The following FMN2 variants were observed in gnomAD, a reference collection of about 807,000 sequenced individuals.
FMN2 encodes the protein formin-2.
FMN2 carries 51 observed loss-of-function variants against 142.3 expected under a neutral mutation model. The ratio of observed to expected loss-of-function variants is 0.36; its 90% CI spans 0.29 to 0.45. The LOEUF is 0.45. Among genes scored for constraint, FMN2 ranks in the 20% least tolerant of loss-of-function variants. The pLI, the probability that FMN2 is intolerant of heterozygous loss-of-function variation, is 1.00. For synonymous variants in FMN2, 882 were observed against 869.8 expected (o/e 1.01, Z -0.25); for missense variants, 1,936 against 2,122.8 (o/e 0.91, Z 1.73).
In FMN2 at chr1:240,207,423, C is replaced by T; in HGVS notation, c.2611C>T (p.Pro871Ser). ...TTGCACAGAGTCCTCCAGCTCCATG[C>T]CTGGCCTGGGCATGGTGCCTCCCCC... ...LPCTESSSSM[P>S]GLGMVPPPPP... Residue 871 changes from proline to serine, a missense_variant, in exon 5 of 18, where the codon CCT (proline) becomes TCT (serine). By Grantham distance (74) the Pro-to-Ser change is moderately conservative. Transcript: ENST00000319653. 1 of 1,613,790 alleles carries T rather than the reference C, an allele frequency of 6.2e-7. No individual in the cohort carries two copies.
intron 4 of FMN2, among the ~76,000 whole-genome samples, chr1:240,206,305 G>A (rs370624603): frequency 6.6e-6 from 1 of 152,118 alleles, no homozygotes; most frequent in South Asian, 2.1e-4. Context: ...AAGCGGTATG[G>A]CACATGCTCA....
At chr1:240,439,118 C>CAAA (rs1168253475) in intron 16 of FMN2, among the ~76,000 whole-genome samples, 2 of 151,676 alleles carry the variant, frequency 1.3e-5, no homozygotes, top group Non-Finnish European at 2.9e-5. Flanking sequence ...ACTAAAAGTA[C>CAAA]AAAAATTAGC....
chr1:240,232,275 A>G (rs1667554373), intron 6 of FMN2, among the ~76,000 whole-genome samples: 1 of 135,190 alleles, frequency 7.4e-6, no homozygotes, highest in Non-Finnish European at 1.6e-5. Flanking sequence ...TTTTTTAAGT[A>G]GAGACAGGGT....
At chr1:240,222,369 A>G (rs1401572561) in intron 6 of FMN2, among the ~76,000 whole-genome samples, 1 of 152,176 alleles carries the variant, frequency 6.6e-6, no homozygotes, top group East Asian at 1.9e-4. Context: ...TGGTACCAGT[A>G]CCATGCTGTT....
chr1:240,400,712 T>C (rs947047274), intron 15 of FMN2: 2 of 152,156 alleles, frequency 1.3e-5, no homozygotes, highest in Non-Finnish European at 2.9e-5. Context: ...TCTCTCCCCA[T>C]GTAAATTTCT....
chr1:240,211,475 T>A (rs969412662), intron 6 of FMN2, among the ~76,000 whole-genome samples: 59 of 152,216 alleles, frequency 3.9e-4, no homozygotes, highest in African/African-American at 1.4e-3. Flanking sequence ...ATAATACATA[T>A]TTCCAAAATA....
intron 8 of FMN2, among the ~76,000 whole-genome samples, chr1:240,312,840 C>A (rs1670640722): frequency 6.6e-6 from 1 of 152,176 alleles, no homozygotes; most frequent in Non-Finnish European, 1.5e-5. Flanking sequence ...AAATGCACTT[C>A]TCGAACTGAT....
Position 240,207,811 on chromosome 1 carries a change from C to G in FMN2, c.2999C>G (p.Pro1000Arg). The change falls in exon 5 of 18, where the codon CCG (proline) becomes CGG (arginine). Residue 1000 changes from proline (P) to arginine (R), a missense_variant. Coordinates refer to ENST00000319653, the MANE Select transcript of FMN2 (RefSeq NM_020066.5). Reference protein sequence around the residue: ...PPLPGAGIPPPPPLPGAGIPP... With the variant: ...PPLPGAGIPPRPPLPGAGIPP... ...CTTCCCGGAGCGGGCATACCCCCTC[C>G]GCCCCCACTTCCCGGAGCGGGCATA... is the stretch of plus-strand genomic sequence containing the variant. 1 of 656,796 alleles carries G rather than the reference C, an allele frequency of 1.5e-6. No homozygotes were observed. 40.7% of individuals were successfully genotyped at this position (656,796 alleles called of 1,614,324 possible). A position where few individuals can be genotyped will look rare whatever the true frequency, so the allele number is the denominator to read the frequency against.
intron 2 of FMN2, among the ~76,000 whole-genome samples, chr1:240,159,905 G>GTGTA (rs1381747124): frequency 6.7e-5 from 8 of 120,092 alleles, no homozygotes; most frequent in Admixed American, 1.8e-4. Flanking sequence ...ATATATCTGT[G>GTGTA]TATATATATA....
intron 6 of FMN2, among the ~76,000 whole-genome samples, chr1:240,252,916 G>C (rs918446189): frequency 2.9e-5 from 4 of 136,700 alleles, no homozygotes; most frequent in Non-Finnish European, 6.2e-5. Flanking sequence ...ATATTTGTTT[G>C]CTTTATGGTG....
At chr1:240,413,149 A>AAAG (rs1674469893) in intron 15 of FMN2, among the ~76,000 whole-genome samples, 1 of 135,502 alleles carries the variant, frequency 7.4e-6, no homozygotes, top group African/African-American at 2.9e-5. Context: ...AAAAAAAAAA[A>AAAG]GCAGCAAATA....
rs1236049453 is a variant in FMN2, at chr1:240,474,478, C to T, written c.*324C>T. Reference sequence around the variant, plus strand: ...CATGCTAAACATTAACTACAATTCACTGTTGTGAGAATATTCCTCGTCACA... The same window carrying T: ...CATGCTAAACATTAACTACAATTCATTGTTGTGAGAATATTCCTCGTCACA... On this transcript the variant is annotated 3_prime_UTR_variant, in exon 18 of 18. Coordinates refer to ENST00000319653, the MANE Select transcript of FMN2 (RefSeq NM_020066.5). 8 of 233,806 alleles carry T rather than the reference C, an allele frequency of 3.4e-5. No homozygotes were observed. The highest frequency in any genetic ancestry group is 7.9e-5 in the East Asian group (1 of 12,624). 14.5% of individuals were successfully genotyped at this position (233,806 alleles called of 1,614,324 possible). A position where few individuals can be genotyped will look rare whatever the true frequency, so the allele number is the denominator to read the frequency against.
chr1:240,248,024 C>T (rs1572113111), intron 6 of FMN2, among the ~76,000 whole-genome samples: 1 of 152,072 alleles, frequency 6.6e-6, no homozygotes, highest in Non-Finnish European at 1.5e-5. Flanking sequence ...TGCTCACCCT[C>T]CTCTATCATT....
chr1:240,326,304 A>G (rs1417206310), intron 8 of FMN2, among the ~76,000 whole-genome samples: 1 of 152,222 alleles, frequency 6.6e-6, no homozygotes, highest in East Asian at 1.9e-4. Flanking sequence ...CTGTCAGCCC[A>G]GGGCAGCTTT....
Position 240,207,613 on chromosome 1 carries a change from T to A in FMN2, c.2801T>A (p.Leu934Gln), listed in dbSNP as rs140879072. 3.6e-6 allele frequency: 5 copies of A among 1,369,918 alleles called. No homozygotes were observed. The South Asian group carries it at 6.5e-5, about 18-fold the overall frequency. The allele number at this position is 1,369,918 out of a possible 1,614,324, so 84.9% of individuals were successfully genotyped here. A position where few individuals can be genotyped will look rare whatever the true frequency, so the allele number is the denominator to read the frequency against. ...PPLPGAGILP[L>Q]PPLPGAGIPP... ...CTACCCGGAGCAGGCATACTCCCTC[T>A]GCCCCCTCTACCCGGAGCGGGAATA... The change falls in exon 5 of 18, where the codon CTG becomes CAG. Residue 934 changes from leucine to glutamine, a missense_variant. Transcript: ENST00000319653.
intron 6 of FMN2, among the ~76,000 whole-genome samples, chr1:240,220,527 G>C (rs1041748971): frequency 1.3e-5 from 2 of 152,026 alleles, no homozygotes; most frequent in African/African-American, 4.8e-5. Flanking sequence ...AGTAGGGAGG[G>C]TGTGAATACA....
rs1215860555 is a variant in FMN2 at position 240,092,943 on chromosome 1, C to T, written c.834C>T (p.Asp278=). ...DTEQALSALS[D]LPESLAAEPR... The stretch of plus-strand genomic sequence containing the variant: ...AGCAGGCGCTGTCCGCGCTCTCCGA[C>T]CTGCCCGAGAGCCTGGCCGCCGAGC... Residue 278 remains aspartate, a synonymous_variant, in exon 1 of 18, where the codon GAC becomes GAT. Coordinates refer to ENST00000319653, the MANE Select transcript of FMN2 (RefSeq NM_020066.5). 1 of 1,452,032 alleles carries T rather than the reference C, an allele frequency of 6.9e-7. No individual in the cohort carries two copies. Among genetic ancestry groups the T allele is most frequent in the East Asian group, 2.7e-5 (1 of 37,338 alleles). The allele number at this position is 1,452,032 out of a possible 1,614,324, so 89.9% of individuals were successfully genotyped here.
intron 2 of FMN2, 87 bp downstream of exon 2, chr1:240,123,432 A>G: frequency 7.3e-7 from 1 of 1,367,782 alleles, no homozygotes; most frequent in Non-Finnish European, 9.7e-7. Context: ...TCACCCTATA[A>G]TTTAAAAACA....
chr1:240,149,368 G>A (rs1663666788), intron 2 of FMN2, among the ~76,000 whole-genome samples: 1 of 152,108 alleles, frequency 6.6e-6, no homozygotes, highest in African/African-American at 2.4e-5. Flanking sequence ...AAGTTGTTTA[G>A]GTGCACCTCA....
Sources: allele counts gnomAD v4.1 joint callset (sites outside exome capture counted in the v4.1 genomes callset), GRCh38; gene constraint gnomAD v4.1.1; transcripts MANE v1.5; gene names NCBI Gene and HGNC (gene_info 2026-07-23, HGNC 2026-07-21).